SRPRB: variants seen among roughly 807,000 people sequenced by gnomAD.
SRPRB encodes the protein SRP receptor subunit beta.
A neutral mutation model predicts 31.9 loss-of-function variants in SRPRB; 20 were observed. The ratio of observed to expected loss-of-function variants is 0.63; its 90% CI spans 0.44 to 0.91. The LOEUF is 0.91. Ranked by LOEUF, SRPRB falls within the 40% of genes least tolerant of loss-of-function variation. The pLI is 0.00. For synonymous variants in SRPRB, 146 were observed against 132.8 expected (o/e 1.10, Z -0.68); for missense variants, 321 against 324.9 (o/e 0.99, Z 0.09).
At chr3:133,803,951 C>T (rs1221963639), upstream of SRPRB, among the ~76,000 whole-genome samples, 2 of 150,970 alleles carry the variant, frequency 1.3e-5, no homozygotes, top group African/African-American at 4.9e-5. Context: ...AAAAAATTAG[C>T]CGGGCATGGT....
At chr3:133,827,833 G>A, downstream of SRPRB, 2 of 609,176 alleles carry the variant, frequency 3.3e-6, no homozygotes, top group Non-Finnish European at 6.0e-6. Context: ...GCTTCAGGAT[G>A]GCACACTGCC....
At chr3:133,805,701 A>C, upstream of SRPRB, 1 of 1,003,920 alleles carries the variant, frequency 1.0e-6, no homozygotes, top group Non-Finnish European at 1.4e-6. Context: ...GAGAACTACA[A>C]CTCCCATCAA....
chr3:133,807,311 T>C (rs1935180542), intron 2 of SRPRB, among the ~76,000 whole-genome samples: 1 of 145,896 alleles, frequency 6.9e-6, no homozygotes, highest in African/African-American at 2.6e-5. Flanking sequence ...TGGAGTGCAG[T>C]GGCGAGATCT....
chr3:133,810,131 C>G (rs947528137), intron 3 of SRPRB: 2 of 151,914 alleles, frequency 1.3e-5, no homozygotes, highest in Admixed American at 1.3e-4. Flanking sequence ...AAGTCCCAAC[C>G]TGGGATCTCC....
At chr3:133,818,336 A>T (rs1935401689) in intron 6 of SRPRB, among the ~76,000 whole-genome samples, 1 of 152,220 alleles carries the variant, frequency 6.6e-6, no homozygotes, top group South Asian at 2.1e-4. Flanking sequence ...ATAGACTTAG[A>T]GAAAAACAAT....
chr3:133,827,982 G>A (rs1388845092), downstream of SRPRB: 1 of 702,882 alleles, frequency 1.4e-6, no homozygotes, highest in Admixed American at 2.0e-5. Flanking sequence ...ATTGCCAACA[G>A]CACCTCGTCC....
downstream of SRPRB, chr3:133,825,447 TG>T (rs1935545498): frequency 6.6e-6 from 1 of 152,174 alleles, no homozygotes; most frequent in Non-Finnish European, 1.5e-5. Flanking sequence ...CATGACTGAA[TG>T]TTTAAGGATG....
chr3:133,808,403 T>C (rs1935200744), intron 3 of SRPRB, among the ~76,000 whole-genome samples: 1 of 152,170 alleles, frequency 6.6e-6, no homozygotes, highest in Admixed American at 6.5e-5. Flanking sequence ...TTGTCCTACA[T>C]TTGTATACAT....
intron 3 of SRPRB, among the ~76,000 whole-genome samples, chr3:133,808,782 C>T (rs903091443): frequency 2.0e-5 from 3 of 149,662 alleles, no homozygotes; most frequent in East Asian, 4.1e-4. Flanking sequence ...CCCAGCTACT[C>T]GGGAGGCTGA....
intron 5 of SRPRB, among the ~76,000 whole-genome samples, chr3:133,816,512 G>A (rs976637024): frequency 6.6e-6 from 1 of 152,126 alleles, no homozygotes; most frequent in African/African-American, 2.4e-5. Context: ...TGACAGATAG[G>A]GCACTGTCTT....
upstream of SRPRB, among the ~76,000 whole-genome samples, chr3:133,801,760 C>T (rs893485795): frequency 6.6e-6 from 1 of 152,126 alleles, no homozygotes; most frequent in African/African-American, 2.4e-5. Flanking sequence ...TACAGAGCAG[C>T]GGTTAGGACC....
Position 133,821,333 on chromosome 3 carries a change from T to G in SRPRB, c.*1567T>G, listed in dbSNP as rs966422679. On this transcript the variant is annotated 3_prime_UTR_variant, in exon 7 of 7. Transcript: ENST00000678299. ...GTCCTTACTTGAAAGCTGCTGCTGGTGTTCTGAGTGTCTTTTGGACTCTTA... is the reference window on the plus strand; with the variant it reads ...GTCCTTACTTGAAAGCTGCTGCTGGGGTTCTGAGTGTCTTTTGGACTCTTA... 6.6e-5 allele frequency: 10 copies of G among 152,218 alleles called. No homozygotes were observed. The highest frequency in any genetic ancestry group is 1.5e-5 in the Non-Finnish European group (1 of 68,038). The allele number at this position is 152,218 out of a possible 1,614,324, so 9.4% of individuals were successfully genotyped here. A position where few individuals can be genotyped will look rare whatever the true frequency, so the allele number is the denominator to read the frequency against.
chr3:133,823,436 A>C (rs1268139346), downstream of SRPRB, among the ~76,000 whole-genome samples: 1 of 152,128 alleles, frequency 6.6e-6, no homozygotes, highest in Non-Finnish European at 1.5e-5. Flanking sequence ...AATTTTTAGT[A>C]GAGATGAGGT....
intron 1 of SRPRB, chr3:133,787,184 T>C (rs904760830): frequency 2.6e-5 from 4 of 152,198 alleles, no homozygotes; most frequent in African/African-American, 9.7e-5. Flanking sequence ...TCTCTAGATG[T>C]TTAAGAAGTT....
downstream of SRPRB, chr3:133,827,049 C>G (rs1206742363): frequency 6.5e-6 from 1 of 152,710 alleles, no homozygotes; most frequent in South Asian, 2.1e-4. Context: ...TTCCTCTCTT[C>G]TTCACCTGAA....
chr3:133,826,098 C>T (rs1935557953), downstream of SRPRB: 3 of 152,260 alleles, frequency 2.0e-5, no homozygotes, highest in African/African-American at 7.2e-5. Flanking sequence ...TGCCTTTCCA[C>T]ACCCCAGGAA....
At chr3:133,812,377 A>G (rs1177808195) in intron 4 of SRPRB, among the ~76,000 whole-genome samples, 2 of 152,264 alleles carry the variant, frequency 1.3e-5, no homozygotes, top group Non-Finnish European at 2.9e-5. Context: ...AAATTTTGCC[A>G]TAATTGGGTT....
chr3:133,816,733 G>C (rs1366747759), intron 5 of SRPRB, 145 bp from the exon 6 acceptor site: 8 of 553,142 alleles, frequency 1.4e-5, no homozygotes, highest in Non-Finnish European at 2.5e-5. Flanking sequence ...TACTTTGATA[G>C]AGAAGGAACT....
At chr3:133,817,950 A>G (rs1196831859) in intron 6 of SRPRB, among the ~76,000 whole-genome samples, 3 of 152,200 alleles carry the variant, frequency 2.0e-5, no homozygotes, top group African/African-American at 7.2e-5. Flanking sequence ...GGCAGGTAAA[A>G]AACAGAAGAA....
Sources: gnomAD v4.1 joint callset for allele counts (sites outside exome capture counted in the v4.1 genomes callset) on GRCh38, gnomAD v4.1.1 for gene constraint, MANE v1.5 for transcripts, NCBI Gene and HGNC (gene_info 2026-07-23, HGNC 2026-07-21) for gene names.